The following NXN variants were observed in gnomAD, a reference collection of about 807,000 sequenced individuals.
The protein encoded by NXN is nucleoredoxin.
In NXN, 16 loss-of-function variants were observed where a neutral mutation model predicts 48.6. The ratio of observed to expected loss-of-function variants is 0.33; its 90% CI spans 0.22 to 0.50. NXN has a LOEUF of 0.50. NXN is among the 20% of genes least tolerant of loss of function. The pLI is 0.98. For synonymous variants in NXN, 281 were observed against 269.6 expected (o/e 1.04, Z -0.41); for missense variants, 492 against 605.5 (o/e 0.81, Z 1.97).
intron 1 of NXN, among the ~76,000 whole-genome samples, chr17:929,114 C>T (rs2068828842): frequency 6.6e-6 from 1 of 152,184 alleles, no homozygotes; most frequent in South Asian, 2.1e-4. Flanking sequence ...ACTAGCTTCA[C>T]ATAAAAACCC....
At chr17:939,862 T>G (rs992306092) in intron 1 of NXN, among the ~76,000 whole-genome samples, 1 of 152,216 alleles carries the variant, frequency 6.6e-6, no homozygotes, top group Non-Finnish European at 1.5e-5. Flanking sequence ...TTAAAAAATA[T>G]AATTTGCAGG....
At chr17:950,934 T>C (rs992164247) in intron 1 of NXN, among the ~76,000 whole-genome samples, 4 of 72,892 alleles carry the variant, frequency 5.5e-5, no homozygotes, top group Non-Finnish European at 9.8e-5. Flanking sequence ...GAGCTACTGC[T>C]GTCAACTCTT....
chr17:918,833 A>C (rs868500520), intron 1 of NXN, among the ~76,000 whole-genome samples: 1 of 149,972 alleles, frequency 6.7e-6, no homozygotes, highest in Non-Finnish European at 1.5e-5. Context: ...TGTTTGTTGA[A>C]TCCTTGGTGA....
intron 1 of NXN, among the ~76,000 whole-genome samples, chr17:900,723 T>C (rs1172193785): frequency 6.6e-6 from 1 of 152,058 alleles, no homozygotes; most frequent in Non-Finnish European, 1.5e-5. Flanking sequence ...AGCTAACGTC[T>C]ACAGAGAAGA....
In NXN at chr17:920,578, C is replaced by T. The variant is rs1391289794; in HGVS notation, c.360+58741G>A. 1.3e-5 allele frequency among the ~76,000 whole-genome samples: 2 copies of T among 152,140 alleles called. No homozygotes were observed. Among genetic ancestry groups the T allele is most frequent in the Non-Finnish European group, 2.9e-5 (2 of 68,032 alleles). ...TCGACGCTCATCCAGGTTCATTCGC[C>T]ATCCGTATGCCCTAGCCCAGGGTGG... On this transcript the variant is annotated intron_variant, in intron 1 of 7. Transcript: ENST00000336868. The surrounding 1 kb of genome is among the most constrained non-coding windows in gnomAD (Gnocchi z 4.6).
rs1461072699 is a variant in NXN, at chr17:849,705, T to C, written c.361-23627A>G. ...ACAAGCAATCATCATTTCCTAAACGTGGCAGGATGCAGAGCAGGTAGAGGA... is the reference window on the plus strand; with the variant it reads ...ACAAGCAATCATCATTTCCTAAACGCGGCAGGATGCAGAGCAGGTAGAGGA... On this transcript the variant is annotated intron_variant, in intron 1 of 7. Coordinates refer to ENST00000336868, the MANE Select transcript of NXN (RefSeq NM_022463.5). This position sits in a 1 kb window ranked among gnomAD's most constrained non-coding sequence, Gnocchi z 4.2. Among the ~76,000 whole-genome samples the C allele has an allele frequency of 1.3e-5, 2 of 152,056 alleles. No individual in the cohort carries two copies. Among genetic ancestry groups the C allele is most frequent in the African/African-American group, 4.8e-5 (2 of 41,396 alleles).
chr17:931,881 C>G (rs1057430574), intron 1 of NXN, among the ~76,000 whole-genome samples: 2 of 147,986 alleles, frequency 1.4e-5, no homozygotes, highest in Non-Finnish European at 2.9e-5. Flanking sequence ...CAGTGGCTCA[C>G]GCCTGTAATC....
At chr17:976,702 C>A (rs910173181) in intron 1 of NXN, among the ~76,000 whole-genome samples, 4 of 151,718 alleles carry the variant, frequency 2.6e-5, no homozygotes, top group Admixed American at 6.6e-5. Flanking sequence ...TCAAATGAGA[C>A]AAAAACTCAG....
chr17:963,795 G>C (rs752884244), intron 1 of NXN, among the ~76,000 whole-genome samples: 1 of 152,132 alleles, frequency 6.6e-6, no homozygotes, highest in Admixed American at 6.6e-5. Flanking sequence ...ATAAAATGCT[G>C]GGCCGGGCGC....
chr17:905,807 T>C (rs898036905), intron 1 of NXN, among the ~76,000 whole-genome samples: 1 of 151,530 alleles, frequency 6.6e-6, no homozygotes, highest in South Asian at 2.1e-4. Context: ...CGAGACCCTA[T>C]CTCTACAAAA....
chr17:941,130 C>A (rs1490380923), intron 1 of NXN, among the ~76,000 whole-genome samples: 55 of 135,136 alleles, frequency 4.1e-4, no homozygotes, highest in Non-Finnish European at 5.6e-4. Flanking sequence ...CCTGGATTTA[C>A]AGTGAACAAG....
At chr17:858,302 A>G (rs2068006657) in intron 1 of NXN, among the ~76,000 whole-genome samples, 1 of 152,142 alleles carries the variant, frequency 6.6e-6, no homozygotes, top group South Asian at 2.1e-4. Flanking sequence ...TACAGGCATG[A>G]GCCACCACGT....
In NXN at chr17:801,046, G is replaced by A; in HGVS notation, c.1211C>T (p.Ala404Val). ...LLTILDMSAR[A>V]KYVMDVEEIT... ...CTCCTCCACGTCCATCACGTACTTG[G>A]CCCGGGCTGACATGTCCAGGATGGT... Residue 404 changes from alanine (A) to valine (V), a missense_variant, in exon 8 of 8, where the codon GCC becomes GTC. By Grantham distance (64) the Ala-to-Val change is moderately conservative. Transcript: ENST00000336868. 1 of 1,577,712 alleles carries A rather than the reference G, an allele frequency of 6.3e-7. No individual in the cohort carries two copies. The highest frequency in any genetic ancestry group is 1.8e-5 in the Admixed American group (1 of 55,436).
At chr17:896,853 GACCAC>G in intron 1 of NXN, 3 of 1,182,580 alleles carry the variant, frequency 2.5e-6, no homozygotes, top group East Asian at 6.9e-5. Context: ...ACGCGGTCCT[GACCAC>G]CCGCCCCCGG....
rs9747534 is a variant in NXN, at chr17:948,826, G to A, written c.360+30493C>T. 1.5e-3 allele frequency among the ~76,000 whole-genome samples: 156 copies of A among 105,430 alleles called. 1 individual carries two copies. The highest frequency in any genetic ancestry group is 5.3e-3 in the African/African-American group (148 of 27,732). 69.2% of individuals were successfully genotyped at this position (105,430 alleles called of 152,430 possible). A position where few individuals can be genotyped will look rare whatever the true frequency, so the allele number is the denominator to read the frequency against. The stretch of plus-strand genomic sequence containing the variant: ...GGGCACGGCCTCCTCCTCTCCCCGC[G>A]GCCTCCTCCTCTCCCCCCTGCCTCC... On this transcript the variant is annotated intron_variant, in intron 1 of 7. Transcript: ENST00000336868.
At chr17:833,142 C>G (rs1274805702) in intron 1 of NXN, among the ~76,000 whole-genome samples, 1 of 152,120 alleles carries the variant, frequency 6.6e-6, no homozygotes, top group Non-Finnish European at 1.5e-5. Flanking sequence ...CCGCCCACCT[C>G]AGCCTCCCAA....
At chr17:929,875 A>G (rs559816463) in intron 1 of NXN, 3 of 152,150 alleles carry the variant, frequency 2.0e-5, no homozygotes, top group Admixed American at 2.0e-4. Flanking sequence ...TGTTGAACTC[A>G]CATACTAAAT....
rs1176490679 is a variant in NXN, at chr17:932,101, A to ACG, written c.360+47217_360+47218insCG. Among the ~76,000 whole-genome samples, 1 of 150,184 alleles carries ACG rather than the reference A, an allele frequency of 6.7e-6. No individual in the cohort carries two copies. The highest frequency in any genetic ancestry group is 2.1e-4 in the South Asian group (1 of 4,716). The stretch of plus-strand genomic sequence containing the variant: ...GGAGGTTGCAGTGAGCTGAGATTGC[A>ACG]CCACTGCACTCCAGCCTGGGCAATA... On this transcript the variant is annotated intron_variant, in intron 1 of 7. Transcript: ENST00000336868. This position sits in a 1 kb window ranked among gnomAD's most constrained non-coding sequence, Gnocchi z 4.1.
rs766878526 is a variant in NXN at position 849,022 on chromosome 17, C to T, written c.361-22944G>A. ...CAGACGGTATGGGGTCAGATCAAGA[C>T]AAAGGTCTTCGCCTTCGAGAAAGGA... On this transcript the variant is annotated intron_variant, in intron 1 of 7. Coordinates refer to ENST00000336868, the MANE Select transcript of NXN (RefSeq NM_022463.5). The surrounding 1 kb of genome is among the most constrained non-coding windows in gnomAD (Gnocchi z 4.2). Among the ~76,000 whole-genome samples, 4 of 152,204 alleles carry T rather than the reference C, an allele frequency of 2.6e-5. No individual in the cohort carries two copies. The highest frequency in any genetic ancestry group is 4.4e-5 in the Non-Finnish European group (3 of 68,044).
Sources: allele counts gnomAD v4.1 joint callset (sites outside exome capture counted in the v4.1 genomes callset), GRCh38; gene constraint gnomAD v4.1.1; non-coding constraint Gnocchi (gnomAD v3.1); transcripts MANE v1.5; gene names NCBI Gene and HGNC (gene_info 2026-07-23, HGNC 2026-07-21).